GRIA1: variants seen among roughly 807,000 people sequenced by gnomAD.
GRIA1 encodes glutamate ionotropic receptor AMPA type subunit 1.
Under a neutral mutation model 99.2 loss-of-function variants are expected in GRIA1, and 31 were observed. That is an observed-to-expected ratio of 0.31 (90% CI 0.23 to 0.42). The LOEUF (loss-of-function observed/expected upper bound fraction) is 0.42. Among genes scored for constraint, GRIA1 ranks in the 10% least tolerant of loss-of-function variants. The pLI, the probability that GRIA1 is intolerant of heterozygous loss-of-function variation, is 1.00. For missense variants in GRIA1, 782 were observed against 1,157.5 expected (o/e 0.68, Z 4.71); for synonymous variants, 438 against 432.4 (o/e 1.01, Z -0.16).
At chr5:153,660,529 G>A (rs1755290457) in intron 5 of GRIA1, among the ~76,000 whole-genome samples, 1 of 152,150 alleles carries the variant, frequency 6.6e-6, no homozygotes, top group African/African-American at 2.4e-5. Flanking sequence ...GGAGAGTTGG[G>A]GAAAGAGTCA....
chr5:153,498,403 A>G (rs1205124446), intron 2 of GRIA1, among the ~76,000 whole-genome samples: 1 of 152,338 alleles, frequency 6.6e-6, no homozygotes, highest in East Asian at 1.9e-4. Context: ...TCTATAGTTT[A>G]GTGTTGAGAA....
chr5:153,801,733 C>G (rs1431704136), intron 14 of GRIA1, among the ~76,000 whole-genome samples: 2 of 152,104 alleles, frequency 1.3e-5, no homozygotes, highest in East Asian at 3.8e-4. Flanking sequence ...CTATTCTAAG[C>G]CCCCTAGTTT....
chr5:153,501,701 G>A (rs1033485346), intron 2 of GRIA1, among the ~76,000 whole-genome samples: 1 of 152,158 alleles, frequency 6.6e-6, no homozygotes, highest in Non-Finnish European at 1.5e-5. Context: ...CTCCAGTTTG[G>A]GATGGAGTCT....
intron 13 of GRIA1, among the ~76,000 whole-genome samples, chr5:153,784,844 G>GC: frequency 6.6e-6 from 1 of 152,300 alleles, no homozygotes; most frequent in Non-Finnish European, 1.5e-5. Context: ...TCCAAAGGAA[G>GC]CCATTAAGGA....
intron 13 of GRIA1, among the ~76,000 whole-genome samples, chr5:153,774,238 T>C (rs1460150838): frequency 6.6e-6 from 1 of 151,988 alleles, no homozygotes; most frequent in African/African-American, 2.4e-5. Flanking sequence ...ATCCACTGAC[T>C]TGATCCCAGG....
At chr5:153,778,367 A>G (rs1282768062) in intron 13 of GRIA1, among the ~76,000 whole-genome samples, 5 of 152,038 alleles carry the variant, frequency 3.3e-5, no homozygotes, top group Admixed American at 3.3e-4. Flanking sequence ...AAGGAGTGGC[A>G]AGCGCTTTAT....
At chr5:153,544,785 G>A (rs1216951029) in intron 2 of GRIA1, among the ~76,000 whole-genome samples, 2 of 152,152 alleles carry the variant, frequency 1.3e-5, no homozygotes, top group South Asian at 2.1e-4. Context: ...AGAAAATGAC[G>A]TTGGTGATAG....
chr5:153,652,448 A>G (rs184989615), intron 4 of GRIA1, among the ~76,000 whole-genome samples: 374 of 152,266 alleles, frequency 2.5e-3, no homozygotes, highest in African/African-American at 8.6e-3. Flanking sequence ...CCCCTATTTT[A>G]TAGATGAAGA....
chr5:153,560,633 T>C (rs1341462702), intron 2 of GRIA1, among the ~76,000 whole-genome samples: 1 of 152,212 alleles, frequency 6.6e-6, no homozygotes, highest in African/African-American at 2.4e-5. Flanking sequence ...TCTACCATGA[T>C]TGTGAGGCCT....
At chr5:153,552,315 G>A (rs928031159) in intron 2 of GRIA1, among the ~76,000 whole-genome samples, 2 of 151,920 alleles carry the variant, frequency 1.3e-5, no homozygotes, top group Non-Finnish European at 2.9e-5. Flanking sequence ...CCGAATGCTG[G>A]CCACGTCCTG....
chr5:153,800,559 C>G (rs1469269609), intron 14 of GRIA1, among the ~76,000 whole-genome samples: 2 of 152,220 alleles, frequency 1.3e-5, no homozygotes, highest in African/African-American at 4.8e-5. Flanking sequence ...CTTCCAAAGC[C>G]AGGCTATGCC....
At chr5:153,522,650 TCA>T (rs1474874790) in intron 2 of GRIA1, among the ~76,000 whole-genome samples, 3 of 152,188 alleles carry the variant, frequency 2.0e-5, no homozygotes, top group Non-Finnish European at 4.4e-5. Context: ...CCTAACATGA[TCA>T]CAGTGTCAAA....
At chr5:153,690,324 T>A (rs1757654168) in intron 8 of GRIA1, among the ~76,000 whole-genome samples, 1 of 152,082 alleles carries the variant, frequency 6.6e-6, no homozygotes, top group Non-Finnish European at 1.5e-5. Flanking sequence ...ACAGGGTGGC[T>A]AAGAGCTTGG....
intron 11 of GRIA1, among the ~76,000 whole-genome samples, chr5:153,752,452 T>C (rs1762564281): frequency 6.6e-6 from 1 of 152,218 alleles, no homozygotes; most frequent in Non-Finnish European, 1.5e-5. Context: ...TTGTCTATGA[T>C]ATTTACACAA....
chr5:153,646,168 G>A (rs1463369079), intron 2 of GRIA1, among the ~76,000 whole-genome samples: 1 of 152,188 alleles, frequency 6.6e-6, no homozygotes, highest in Non-Finnish European at 1.5e-5. Context: ...AATCGGTCCT[G>A]TGGGTATGTT....
intron 2 of GRIA1, among the ~76,000 whole-genome samples, chr5:153,568,288 A>T (rs1761827906): frequency 6.6e-6 from 1 of 152,206 alleles, no homozygotes; most frequent in African/African-American, 2.4e-5. Context: ...CTTTAGCAAG[A>T]AGCTAATCCA....
chr5:153,529,432 T>G (rs2113421285), intron 2 of GRIA1, among the ~76,000 whole-genome samples: 1 of 152,274 alleles, frequency 6.6e-6, no homozygotes, highest in East Asian at 1.9e-4. Context: ...ACCTCTCAAT[T>G]CCTATGGGAC....
At chr5:153,639,844 C>T (rs1753664115) in intron 2 of GRIA1, among the ~76,000 whole-genome samples, 1 of 152,222 alleles carries the variant, frequency 6.6e-6, no homozygotes, top group Admixed American at 6.5e-5. Context: ...AAATTTCAAT[C>T]TGTAGGACCT....
intron 2 of GRIA1, among the ~76,000 whole-genome samples, chr5:153,508,345 T>A (rs1401516941): frequency 6.6e-6 from 1 of 152,220 alleles, no homozygotes; most frequent in Non-Finnish European, 1.5e-5. Context: ...GAACCAAATC[T>A]TTCATGTAAT....
Sources: allele counts gnomAD v4.1 joint callset (sites outside exome capture counted in the v4.1 genomes callset), GRCh38; gene constraint gnomAD v4.1.1; transcripts MANE v1.5; gene names NCBI Gene and HGNC (gene_info 2026-07-23, HGNC 2026-07-21).